The following ITGB6 variants were observed in gnomAD, a reference collection of about 807,000 sequenced individuals.
The protein encoded by ITGB6 is integrin subunit beta 6.
ITGB6 carries 80 observed loss-of-function variants against 84.5 expected under a neutral mutation model. The ratio of observed to expected loss-of-function variants is 0.95; its 90% CI spans 0.79 to 1.14. The LOEUF (loss-of-function observed/expected upper bound fraction) is 1.14. Ranked by LOEUF, ITGB6 falls within the 50% of genes most tolerant of loss-of-function variation. The probability of loss-of-function intolerance (pLI) is 0.00; values close to 1 mark genes in which losing one functional copy is unlikely to be tolerated. For missense variants in ITGB6, 1,006 were observed against 968.0 expected (o/e 1.04, Z -0.52); for synonymous variants, 383 against 354.9 (o/e 1.08, Z -0.89).
At chr2:160,155,247 GA>G (rs1445860732) in intron 7 of ITGB6, among the ~76,000 whole-genome samples, 4 of 152,180 alleles carry the variant, frequency 2.6e-5, no homozygotes, top group Non-Finnish European at 5.9e-5. Context: ...TGGCATTCTG[GA>G]AAAGGCAAAA....
intron 14 of ITGB6, among the ~76,000 whole-genome samples, chr2:160,103,348 A>G (rs1262471145): frequency 6.6e-6 from 1 of 152,234 alleles, no homozygotes; most frequent in Admixed American, 6.5e-5. Flanking sequence ...GTCCAGAGCC[A>G]GTGGCCTGAC....
chr2:160,137,468 G>A lies in ITGB6; in HGVS notation c.1626C>T (p.Phe542=), dbSNP rs751609208. ...IYGPYCQCDN[F]SCVRHKGLLC... The stretch of plus-strand genomic sequence containing the variant: ...GCAGCCCTTTGTGTCTCACGCAGGA[G>A]AAATTGTCACACTGGCAATAAGGCC... The change falls in exon 10 of 15, where the codon TTC becomes TTT. Residue 542 remains phenylalanine, a synonymous_variant. Transcript: ENST00000283249. 1.2e-6 allele frequency: 2 copies of A among 1,613,048 alleles called. No individual in the cohort carries two copies. Among genetic ancestry groups the A allele is most frequent in the African/African-American group, 1.3e-5 (1 of 74,914 alleles).
At chr2:160,190,418 G>T (rs1429182351) in intron 4 of ITGB6, among the ~76,000 whole-genome samples, 1 of 152,026 alleles carries the variant, frequency 6.6e-6, no homozygotes, top group Non-Finnish European at 1.5e-5. Context: ...AACACCGAAG[G>T]CTTGAGAGAT....
intron 4 of ITGB6, among the ~76,000 whole-genome samples, chr2:160,178,638 T>C (rs967793647): frequency 1.1e-4 from 16 of 152,018 alleles, no homozygotes; most frequent in Non-Finnish European, 8.8e-5. Flanking sequence ...GCCCATGTTT[T>C]GATCAGAGTT....
intron 10 of ITGB6, among the ~76,000 whole-genome samples, chr2:160,128,670 G>A (rs1368421167): frequency 6.6e-6 from 1 of 152,142 alleles, no homozygotes; most frequent in Non-Finnish European, 1.5e-5. Context: ...TGAGGGAAGA[G>A]ACAGAGGGAT....
intron 12 of ITGB6, among the ~76,000 whole-genome samples, chr2:160,119,497 C>A (rs994265884): frequency 4.0e-5 from 6 of 151,868 alleles, no homozygotes; most frequent in African/African-American, 1.5e-4. Context: ...CTTCCTTACA[C>A]CTTATACAAA....
At chr2:160,155,744 A>T (rs1176965712) in intron 7 of ITGB6, among the ~76,000 whole-genome samples, 1 of 152,234 alleles carries the variant, frequency 6.6e-6, no homozygotes, top group Non-Finnish European at 1.5e-5. Context: ...ACATGGTGCC[A>T]GAATATCTAA....
chr2:160,111,258 G>C (rs990427224), intron 13 of ITGB6, among the ~76,000 whole-genome samples: 1 of 152,176 alleles, frequency 6.6e-6, no homozygotes, highest in African/African-American at 2.4e-5. Context: ...GTAAGGGATG[G>C]CTTTGATTTC....
chr2:160,137,407 G>T lies in ITGB6; in HGVS notation c.1660+27C>A, dbSNP rs1455762122. The T allele has an allele frequency of 1.9e-6, 3 of 1,583,002 alleles. No homozygotes were observed. The Admixed American group carries it at 5.1e-5, about 27-fold the overall frequency. The stretch of plus-strand genomic sequence containing the variant: ...CTTGCTGATACTTGAGCAGCCACAG[G>T]GTAAGATGGATTTCAACATAGCCTA... On this transcript the variant is annotated intron_variant, in intron 10 of 14. Transcript: ENST00000283249.
chr2:160,126,414 T>A lies in ITGB6; in HGVS notation c.1848A>T (p.Arg616=). ...TACAGGGGTCACCACAGGTAGGACA[T>A]CGTTCACAGGTTGGTCCTGAGGCTC... ...NPGASGPTCE[R]CPTCGDPCNS... The change falls in exon 11 of 15, where the codon CGA becomes CGT. Residue 616 remains arginine (R), a synonymous_variant. Coordinates refer to ENST00000283249, the MANE Select transcript of ITGB6 (RefSeq NM_000888.5). 2 of 1,614,192 alleles carry A rather than the reference T, an allele frequency of 1.2e-6. No homozygotes were observed. The highest frequency in any genetic ancestry group is 1.7e-5 in the Admixed American group (1 of 60,032).
chr2:160,156,410 C>A (rs1227891619), intron 7 of ITGB6, among the ~76,000 whole-genome samples: 1 of 152,188 alleles, frequency 6.6e-6, no homozygotes, highest in Non-Finnish European at 1.5e-5. Flanking sequence ...CTCTTGACAT[C>A]CCCAAGCACC....
chr2:160,161,034 G>C (rs1324536408), intron 7 of ITGB6, among the ~76,000 whole-genome samples: 1 of 152,020 alleles, frequency 6.6e-6, no homozygotes, highest in Non-Finnish European at 1.5e-5. Context: ...ATAATTTGTT[G>C]GTCCTATTAA....
At chr2:160,177,570 CAA>C (rs1330102516) in intron 4 of ITGB6, among the ~76,000 whole-genome samples, 10 of 130,024 alleles carry the variant, frequency 7.7e-5, no homozygotes, top group East Asian at 2.2e-4. Flanking sequence ...GATTCTGTCT[CAA>C]AAAAAAAAAA....
intron 13 of ITGB6, 87 bp downstream of exon 13, chr2:160,111,993 G>A: frequency 7.5e-7 from 1 of 1,334,394 alleles, no homozygotes. Flanking sequence ...GTCTTTCCTG[G>A]CATGCTACCC....
intron 10 of ITGB6, among the ~76,000 whole-genome samples, chr2:160,135,110 A>C (rs1683648235): frequency 6.6e-6 from 1 of 151,592 alleles, no homozygotes; most frequent in South Asian, 2.1e-4. Context: ...AGAGGAAGTC[A>C]AATTGTCCCT....
At chr2:160,156,927 G>A (rs1023530848) in intron 7 of ITGB6, among the ~76,000 whole-genome samples, 1 of 152,170 alleles carries the variant, frequency 6.6e-6, no homozygotes, top group African/African-American at 2.4e-5. Context: ...GCCTGACTGG[G>A]TATGTTCATT....
chr2:160,107,839 G>C lies in ITGB6; in HGVS notation c.2108C>G (p.Pro703Arg), dbSNP rs369122182. 1.3e-6 allele frequency: 2 copies of C among 1,591,384 alleles called. No homozygotes were observed. The highest frequency in any genetic ancestry group is 1.7e-5 in the Admixed American group (1 of 58,538). The change falls in exon 14 of 15, where the codon CCG (proline) becomes CGG (arginine). Residue 703 changes from proline (P) to arginine (R), a missense_variant. Physicochemically the swap from Pro to Arg is moderately radical, Grantham distance 103 (BLOSUM62 -2). Coordinates refer to ENST00000283249, the MANE Select transcript of ITGB6 (RefSeq NM_000888.5). ...IIHSINEKDC[P>R]KPPNIPMIML... The stretch of plus-strand genomic sequence containing the variant: ...GATCATGGGAATGTTTGGAGGCTTC[G>C]GACAATCTGCAGAAATAAAGAAAAT...
chr2:160,136,764 A>G (rs1328401285), intron 10 of ITGB6, among the ~76,000 whole-genome samples: 1 of 152,182 alleles, frequency 6.6e-6, no homozygotes, highest in Non-Finnish European at 1.5e-5. Context: ...ACATGGATGA[A>G]GCTGGAAACC....
chr2:160,114,125 C>A (rs1228675359), intron 12 of ITGB6, among the ~76,000 whole-genome samples: 1 of 152,120 alleles, frequency 6.6e-6, no homozygotes, highest in African/African-American at 2.4e-5. Context: ...TTGACCTGGT[C>A]AGGGTTATTT....
Sources: allele counts gnomAD v4.1 joint callset (sites outside exome capture counted in the v4.1 genomes callset), GRCh38; gene constraint gnomAD v4.1.1; transcripts MANE v1.5; gene names NCBI Gene and HGNC (gene_info 2026-07-23, HGNC 2026-07-21).